The following NPL variants were observed in gnomAD, a reference collection of about 807,000 sequenced individuals.
NPL encodes the protein N-acetylneuraminate pyruvate lyase.
In NPL, 32 loss-of-function variants were observed where a neutral mutation model predicts 41.1. The ratio of observed to expected loss-of-function variants is 0.78; its 90% CI spans 0.59 to 1.05. The LOEUF (loss-of-function observed/expected upper bound fraction) is 1.05. Ranked by LOEUF, NPL falls within the 50% of genes least tolerant of loss-of-function variation. The pLI, the probability that NPL is intolerant of heterozygous loss-of-function variation, is 0.00. For missense variants in NPL, 321 were observed against 378.4 expected, an observed-to-expected ratio of 0.85 and a Z score of 1.26; for synonymous variants, 128 against 134.9, an observed-to-expected ratio of 0.95 and a Z score of 0.35.
Position 182,828,052 on chromosome 1 carries a change from G to A in NPL, c.779-672G>A, listed in dbSNP as rs931666084. Among the ~76,000 whole-genome samples, 8 of 152,154 alleles carry A rather than the reference G, an allele frequency of 5.3e-5. No individual in the cohort carries two copies. Among genetic ancestry groups the A allele is most frequent in the Non-Finnish European group, 7.3e-5 (5 of 68,034 alleles). The stretch of plus-strand genomic sequence containing the variant: ...GCTTGAGATTTCTTTCATGAGATCT[G>A]TTTCCATCCACAAGCCTAGTAGAAG... On this transcript the variant is annotated intron_variant, in intron 12 of 12. Coordinates refer to ENST00000367553, the MANE Select transcript of NPL (RefSeq NM_030769.3). This position sits in a 1 kb window ranked among gnomAD's most constrained non-coding sequence, Gnocchi z 4.0.
intron 3 of NPL, among the ~76,000 whole-genome samples, chr1:182,799,732 CAAAA>C (rs556336661): frequency 2.8e-4 from 17 of 61,210 alleles, no homozygotes; most frequent in South Asian, 1.2e-3. Context: ...ACCCTGTCTC[CAAAA>C]AAAAAAAAAA....
At chr1:182,811,573 G>T (rs1156233458) in intron 5 of NPL, among the ~76,000 whole-genome samples, 4 of 152,112 alleles carry the variant, frequency 2.6e-5, no homozygotes, top group African/African-American at 9.7e-5. Flanking sequence ...CAACTTAGAA[G>T]TGTTTTTTGT....
chr1:182,793,413 T>C (rs1432512024), intron 2 of NPL, among the ~76,000 whole-genome samples: 1 of 152,148 alleles, frequency 6.6e-6, no homozygotes, highest in Non-Finnish European at 1.5e-5. Context: ...CTTCCAGCAG[T>C]GCGCTACCCA....
At chr1:182,801,069 C>T (rs1331681267) in intron 3 of NPL, among the ~76,000 whole-genome samples, 1 of 152,088 alleles carries the variant, frequency 6.6e-6, no homozygotes, top group Non-Finnish European at 1.5e-5. Context: ...TTCAAATACT[C>T]ATTTTTTTAA....
intron 6 of NPL, among the ~76,000 whole-genome samples, chr1:182,813,732 G>A (rs144583769): frequency 6.6e-6 from 1 of 152,228 alleles, no homozygotes; most frequent in East Asian, 1.9e-4. Flanking sequence ...TAATAACATC[G>A]GTATCTGCTT....
chr1:182,793,496 T>C (rs1245252412), intron 2 of NPL, among the ~76,000 whole-genome samples: 1 of 152,174 alleles, frequency 6.6e-6, no homozygotes, highest in African/African-American at 2.4e-5. Context: ...GCTCTTGAAT[T>C]GAACACCTGG....
At chr1:182,798,390 G>C (rs1409485240) in intron 3 of NPL, among the ~76,000 whole-genome samples, 2 of 151,990 alleles carry the variant, frequency 1.3e-5, no homozygotes, top group African/African-American at 4.8e-5. Context: ...ACCCTGCCCG[G>C]CTAATTTTTG....
At chr1:182,826,064 T>C in intron 12 of NPL, 1 of 579,290 alleles carries the variant, frequency 1.7e-6, no homozygotes, top group Non-Finnish European at 3.1e-6. Flanking sequence ...CTTTCTCTCC[T>C]AAACCATCAG....
At chr1:182,810,802 T>G (rs1394407053) in intron 5 of NPL, among the ~76,000 whole-genome samples, 1 of 152,154 alleles carries the variant, frequency 6.6e-6, no homozygotes, top group Non-Finnish European at 1.5e-5. Flanking sequence ...TTTACCTGCA[T>G]GAACTCACAT....
intron 1 of NPL, among the ~76,000 whole-genome samples, chr1:182,790,613 T>TTTGTTGTTGTTGTTGTTG (rs148847511): frequency 1.3e-5 from 2 of 150,376 alleles, no homozygotes; most frequent in Non-Finnish European, 3.0e-5. Context: ...GTTAAAGTCT[T>TTTGTTGTTGTTGTTGTTG]TTGTTGTTGT....
Position 182,807,833 on chromosome 1 carries a change from A to G in NPL, c.230+1601A>G, listed in dbSNP as rs556630181. Among the ~76,000 whole-genome samples, 99 of 149,446 alleles carry G rather than the reference A, an allele frequency of 6.6e-4. No homozygotes were observed. The Middle Eastern group carries it at 0.014, about 21-fold the overall frequency. On this transcript the variant is annotated intron_variant, in intron 5 of 12. Coordinates refer to ENST00000367553, the MANE Select transcript of NPL (RefSeq NM_030769.3). The stretch of plus-strand genomic sequence containing the variant: ...GTGAACCTGGGAGGTGGAGCTTGCA[A>G]TGAGCCAAGATCGCGCCACTGCACT...
chr1:182,791,540 AAGAAG>A (rs1459719290), intron 1 of NPL, among the ~76,000 whole-genome samples: 1 of 152,184 alleles, frequency 6.6e-6, no homozygotes, highest in Non-Finnish European at 1.5e-5. Flanking sequence ...GTGTGGATTG[AAGAAG>A]AGAAGAGGGA....
intron 5 of NPL, among the ~76,000 whole-genome samples, chr1:182,806,891 G>C (rs892384118): frequency 6.6e-6 from 1 of 152,222 alleles, no homozygotes; most frequent in East Asian, 1.9e-4. Context: ...GCCCAGGCTG[G>C]AGTGCAGCGC....
chr1:182,819,029 T>C (rs1183061871), intron 10 of NPL, among the ~76,000 whole-genome samples, 170 bp downstream of exon 10: 1 of 152,240 alleles, frequency 6.6e-6, no homozygotes, highest in Non-Finnish European at 1.5e-5. Context: ...TGTTAGAAAT[T>C]CAGTCATTGG....
chr1:182,797,151 T>G (rs1174097763), intron 3 of NPL, among the ~76,000 whole-genome samples: 1 of 152,158 alleles, frequency 6.6e-6, no homozygotes, highest in African/African-American at 2.4e-5. Flanking sequence ...GGGGATATTG[T>G]GGGGATCACC....
At chr1:182,791,964 A>G (rs542337432) in intron 1 of NPL, among the ~76,000 whole-genome samples, 321 of 152,338 alleles carry the variant, frequency 2.1e-3, no homozygotes, top group African/African-American at 7.6e-3. Context: ...AGAAGATAAC[A>G]GAATTGAAAT....
chr1:182,804,750 GTAA>G (rs1272092221), intron 4 of NPL, among the ~76,000 whole-genome samples: 1 of 152,108 alleles, frequency 6.6e-6, no homozygotes, highest in Non-Finnish European at 1.5e-5. Context: ...GAGGTACCTG[GTAA>G]TAATAATCAG....
At position 182,825,787 on chromosome 1, in the gene NPL, A is replaced by G. The variant is rs1667615612; in HGVS notation, c.745A>G (p.Ile249Val). ...FSLALNYQFC[I>V]QRFINFVVKL... is the part of the protein sequence containing the mutation. ...ATATGTTGTTCTTTTCTAGTTTTGT[A>G]TCCAGAGATTTATCAACTTTGTTGT... Residue 249 changes from isoleucine (I) to valine (V), a missense_variant, in exon 12 of 13, where the codon ATC (isoleucine) becomes GTC (valine). Transcript: ENST00000367553. The G allele has an allele frequency of 6.3e-7, 1 of 1,583,556 alleles. No individual in the cohort carries two copies.
intron 4 of NPL, 127 bp downstream of exon 4, chr1:182,803,898 C>T (rs1162648751): frequency 2.6e-6 from 2 of 765,488 alleles, no homozygotes; most frequent in Non-Finnish European, 4.7e-6. Context: ...CCTGGCTAAG[C>T]TAACTAAAAT....
Sources: gnomAD v4.1 joint callset for allele counts (sites outside exome capture counted in the v4.1 genomes callset) on GRCh38, gnomAD v4.1.1 for gene constraint, Gnocchi (gnomAD v3.1) non-coding constraint, MANE v1.5 for transcripts, NCBI Gene and HGNC (gene_info 2026-07-23, HGNC 2026-07-21) for gene names.